The following FBXW10B variants were observed in gnomAD, a reference collection of about 807,000 sequenced individuals.
FBXW10B encodes F-box and WD repeat domain containing 10B.
At chr17:15,584,878 C>T in the FBXW10B span, among the ~76,000 whole-genome samples, 22 of 152,112 alleles carry the variant, frequency 1.4e-4, no homozygotes, top group Admixed American at 3.3e-4. Flanking sequence ...TTCATGTGTG[C>T]TCTTCTAAAA....
At chr17:15,588,929 T>A in the FBXW10B span, 11,003 of 1,613,834 alleles carry the variant, frequency 6.8e-3, 515 homozygotes, top group African/African-American at 0.11. Flanking sequence ...GTGAATCCAC[T>A]CACAGGAGCC....
At chr17:15,592,667 C>T in the FBXW10B span, among the ~76,000 whole-genome samples, 1 of 151,784 alleles carries the variant, frequency 6.6e-6, no homozygotes, top group Admixed American at 6.6e-5. Context: ...AGAAGTGAGG[C>T]ATCAAAGATA....
At chr17:15,605,109 A>C in the FBXW10B span, 1 of 1,509,330 alleles carries the variant, frequency 6.6e-7, no homozygotes, top group South Asian at 1.3e-5. Context: ...TCTAGAAGTC[A>C]GTATCTTCTA....
At chr17:15,592,196 G>A in the FBXW10B span, among the ~76,000 whole-genome samples, 3 of 152,250 alleles carry the variant, frequency 2.0e-5, no homozygotes, top group South Asian at 2.1e-4. Context: ...AATGGAATGC[G>A]GGGTGTCATT....
the FBXW10B span, chr17:15,614,101 T>G: frequency 1.2e-4 from 177 of 1,504,554 alleles, no homozygotes; most frequent in Middle Eastern, 5.8e-4. Context: ...CGAGAACAAG[T>G]CCCCACCAAA....
the FBXW10B span, chr17:15,614,167 G>C: frequency 8.6e-7 from 1 of 1,159,500 alleles, no homozygotes; most frequent in Non-Finnish European, 1.2e-6. Context: ...CTAGATTTTT[G>C]TCATCTCTTC....
At chr17:15,591,419 A>G in the FBXW10B span, among the ~76,000 whole-genome samples, 1 of 152,024 alleles carries the variant, frequency 6.6e-6, no homozygotes, top group Non-Finnish European at 1.5e-5. Context: ...CCTCCTGAGT[A>G]GCTGGGATTA....
At chr17:15,602,044 G>A in the FBXW10B span, among the ~76,000 whole-genome samples, 6 of 151,668 alleles carry the variant, frequency 4.0e-5, no homozygotes, top group South Asian at 2.1e-4. Context: ...CACGGAAGGC[G>A]GAGCTGGCAG....
the FBXW10B span, among the ~76,000 whole-genome samples, chr17:15,576,750 AGCAGAGCAAAAGG>A: frequency 6.6e-6 from 1 of 151,572 alleles, no homozygotes; most frequent in Non-Finnish European, 1.5e-5. Context: ...GCACGATAAG[AGCAGAGCAAAAGG>A]TTATTTAGAG....
chr17:15,611,453 T>G, the FBXW10B span, among the ~76,000 whole-genome samples: 2 of 152,258 alleles, frequency 1.3e-5, no homozygotes, highest in Non-Finnish European at 1.5e-5. Flanking sequence ...GGTCTAGCGG[T>G]CAGGGGCCTC....
chr17:15,597,233 T>C, the FBXW10B span, among the ~76,000 whole-genome samples: 1 of 149,764 alleles, frequency 6.7e-6, no homozygotes, highest in South Asian at 2.1e-4. Context: ...CAGCTAGGGG[T>C]GGGTTTACTG....
chr17:15,578,652 C>T, the FBXW10B span, among the ~76,000 whole-genome samples: 1 of 151,928 alleles, frequency 6.6e-6, no homozygotes, highest in Non-Finnish European at 1.5e-5. Flanking sequence ...TGGTCCCTGC[C>T]CTCAAGAAAT....
the FBXW10B span, chr17:15,615,846 A>G: frequency 6.2e-7 from 1 of 1,613,734 alleles, no homozygotes. Flanking sequence ...TTGCTCTTGA[A>G]GTGGGTGTGT....
chr17:15,582,801 A>T, the FBXW10B span, among the ~76,000 whole-genome samples: 2 of 152,106 alleles, frequency 1.3e-5, no homozygotes, highest in Non-Finnish European at 2.9e-5. Context: ...TAGACCAAAG[A>T]GCCGTTCAGT....
the FBXW10B span, chr17:15,596,372 C>G: frequency 8.1e-7 from 1 of 1,236,054 alleles, no homozygotes; most frequent in Non-Finnish European, 1.1e-6. Flanking sequence ...CACTTTGGGG[C>G]CTTCCCCTTT....
At chr17:15,602,887 A>C in the FBXW10B span, among the ~76,000 whole-genome samples, 2 of 120,184 alleles carry the variant, frequency 1.7e-5, 1 homozygote, top group African/African-American at 8.2e-5. Context: ...TCGGCCTCCC[A>C]AAGTGCTGGG....
At chr17:15,590,986 G>C in the FBXW10B span, among the ~76,000 whole-genome samples, 1 of 152,062 alleles carries the variant, frequency 6.6e-6, no homozygotes, top group African/African-American at 2.4e-5. Flanking sequence ...CAGCCTTAGG[G>C]ACAGGTAGTA....
the FBXW10B span, among the ~76,000 whole-genome samples, chr17:15,589,441 G>A: frequency 6.6e-6 from 1 of 151,816 alleles, no homozygotes; most frequent in South Asian, 2.1e-4. Flanking sequence ...AAGGTACCTG[G>A]AGCTGGCCTC....
chr17:15,606,355 G>A, the FBXW10B span, among the ~76,000 whole-genome samples: 10 of 144,586 alleles, frequency 6.9e-5, 1 homozygote, highest in East Asian at 6.3e-4. Context: ...ACGAAACCCC[G>A]TCTCTACAAA....
Sources: gnomAD v4.1 joint callset for allele counts (sites outside exome capture counted in the v4.1 genomes callset) on GRCh38, gnomAD v4.1.1 for gene constraint, MANE v1.5 for transcripts, NCBI Gene and HGNC (gene_info 2026-07-23, HGNC 2026-07-21) for gene names.